The following SPICE1 variants were observed in gnomAD, a reference collection of about 807,000 sequenced individuals.
The protein encoded by SPICE1 is spindle and centriole-associated protein 1.
A neutral mutation model predicts 102.7 loss-of-function variants in SPICE1; 75 were observed. The ratio of observed to expected loss-of-function variants is 0.73; its 90% CI spans 0.61 to 0.88. The LOEUF (loss-of-function observed/expected upper bound fraction) is 0.88. SPICE1 is among the 40% of genes least tolerant of loss of function. SPICE1 has a pLI of 0.00. For synonymous variants in SPICE1, 308 were observed against 350.3 expected (o/e 0.88, Z 1.35); for missense variants, 979 against 1,020.1 (o/e 0.96, Z 0.55).
At chr3:113,498,906 C>T (rs960446514) in intron 4 of SPICE1, 2 of 152,360 alleles carry the variant, frequency 1.3e-5, no homozygotes, top group Non-Finnish European at 2.9e-5. Context: ...AAAGGTTAAG[C>T]CAAAGACAAG....
At chr3:113,470,180 G>C (rs976396919) in intron 7 of SPICE1, among the ~76,000 whole-genome samples, 7 of 152,272 alleles carry the variant, frequency 4.6e-5, no homozygotes, top group Middle Eastern at 3.4e-3. Flanking sequence ...TAGTATAAAA[G>C]CAAGAACAAA....
chr3:113,484,748 T>C (rs1936604497), intron 7 of SPICE1, among the ~76,000 whole-genome samples: 1 of 151,872 alleles, frequency 6.6e-6, no homozygotes, highest in Admixed American at 6.6e-5. Context: ...AGAGACTGTT[T>C]GTTATGATTT....
intron 7 of SPICE1, among the ~76,000 whole-genome samples, chr3:113,478,749 C>G (rs983552345): frequency 6.6e-5 from 10 of 152,020 alleles, no homozygotes; most frequent in Admixed American, 1.3e-4. Flanking sequence ...TGAGGTAGAT[C>G]TATGGATATA....
At chr3:113,448,207 A>G (rs1033551771) in intron 15 of SPICE1, 67 bp from the exon 16 acceptor site, 131 of 1,367,972 alleles carry the variant, frequency 9.6e-5, no homozygotes, top group Non-Finnish European at 1.2e-4. Flanking sequence ...CTCAATTTCT[A>G]TCTTACTGCA....
chr3:113,493,257 A>T lies in SPICE1; in HGVS notation c.441T>A (p.Asn147Lys). The T allele has an allele frequency of 6.2e-7, 1 of 1,613,526 alleles. No individual in the cohort carries two copies. The highest frequency in any genetic ancestry group is 8.5e-7 in the Non-Finnish European group (1 of 1,179,786). Residue 147 changes from asparagine to lysine, a missense_variant, in exon 6 of 18, where the codon AAT (asparagine) becomes AAA (lysine). By Grantham distance (94) the Asn-to-Lys change is moderately conservative. Coordinates refer to ENST00000295872, the MANE Select transcript of SPICE1 (RefSeq NM_144718.4). Reference sequence around the variant, plus strand: ...AGATAGATTGGGTGATAGGGTCTTGATTTACCACAATGGGACCCTGAGAGG... The same window carrying T: ...AGATAGATTGGGTGATAGGGTCTTGTTTTACCACAATGGGACCCTGAGAGG... ...PDSSQGPIVVNQDPITQSIFN... is the reference protein window; with the variant it reads ...PDSSQGPIVVKQDPITQSIFN...
intron 13 of SPICE1, 140 bp from the exon 14 acceptor site, chr3:113,454,090 C>A (rs777942054): frequency 2.0e-4 from 147 of 736,504 alleles, no homozygotes; most frequent in Non-Finnish European, 3.0e-4. Flanking sequence ...AAACTATTTT[C>A]AGCAGAGAAC....
chr3:113,510,797 C>A (rs1345835144), intron 1 of SPICE1, among the ~76,000 whole-genome samples: 1 of 152,100 alleles, frequency 6.6e-6, no homozygotes, highest in African/African-American at 2.4e-5. Flanking sequence ...AGCTTCTGCA[C>A]AGCAAAAGAA....
rs747592397 is a variant in SPICE1, at chr3:113,469,159, G to C, written c.691C>G (p.Gln231Glu). ...WTDIQQKIAT[Q>E]SQITPPGTPS... ...GTTCCTGGAGGAGTTATTTGTGACT[G>C]GGTTGCTATTTTCTGCTGAATGTCA... is the stretch of plus-strand genomic sequence containing the variant. The change falls in exon 8 of 18, where the codon CAG (glutamine) becomes GAG (glutamate). Residue 231 changes from glutamine to glutamate, a missense_variant. Transcript: ENST00000295872. The C allele has an allele frequency of 6.2e-7, 1 of 1,613,102 alleles. No individual in the cohort carries two copies. The highest frequency in any genetic ancestry group is 8.5e-7 in the Non-Finnish European group (1 of 1,179,546).
At chr3:113,513,853 C>T (rs1937268289) in intron 1 of SPICE1, among the ~76,000 whole-genome samples, 1 of 152,176 alleles carries the variant, frequency 6.6e-6, no homozygotes, top group African/African-American at 2.4e-5. Context: ...AAAAGCGAGG[C>T]ACCAGATATA....
intron 7 of SPICE1, among the ~76,000 whole-genome samples, chr3:113,472,637 C>A (rs931525806): frequency 2.6e-5 from 4 of 152,328 alleles, no homozygotes; most frequent in Middle Eastern, 6.8e-3. Context: ...CGAAAATCCA[C>A]TGTTCTGCAG....
intron 1 of SPICE1, among the ~76,000 whole-genome samples, chr3:113,509,816 C>T (rs72946772): frequency 0.021 from 3,136 of 152,196 alleles, 112 homozygotes; most frequent in African/African-American, 0.071. Context: ...GAGCAGTTTC[C>T]CTCTTGCTGT....
chr3:113,466,470 C>T (rs1004374940), intron 10 of SPICE1, among the ~76,000 whole-genome samples: 1 of 151,892 alleles, frequency 6.6e-6, no homozygotes, highest in African/African-American at 2.4e-5. Context: ...ATTAACTGGG[C>T]GTGGTGGTGC....
At chr3:113,495,090 C>T (rs1024277701) in intron 4 of SPICE1, among the ~76,000 whole-genome samples, 40 of 152,222 alleles carry the variant, frequency 2.6e-4, no homozygotes, top group Non-Finnish European at 5.0e-4. Flanking sequence ...GAGGTAAGAA[C>T]ACAAAAAGTA....
rs563410813 is a variant in SPICE1 at position 113,453,600 on chromosome 3, T to C, written c.2008A>G (p.Thr670Ala). 2.2e-5 allele frequency: 36 copies of C among 1,614,214 alleles called. No individual in the cohort carries two copies. The South Asian group carries it at 3.6e-4, about 16-fold the overall frequency. The part of the protein sequence containing the change: ...ESLIQRKDIM[T>A]RIADLTLQNS... ...TGCAATGTCAAATCAGCAATTCGTG[T>C]CATTATGTCCTTTCTTTGTATTAAT... Residue 670 changes from threonine to alanine, a missense_variant, in exon 14 of 18, where the codon ACA becomes GCA. Coordinates refer to ENST00000295872, the MANE Select transcript of SPICE1 (RefSeq NM_144718.4).
intron 7 of SPICE1, among the ~76,000 whole-genome samples, chr3:113,473,441 C>A (rs1936257632): frequency 6.6e-6 from 1 of 152,132 alleles, no homozygotes; most frequent in African/African-American, 2.4e-5. Flanking sequence ...GAGAACACCA[C>A]AAAGATACTC....
intron 15 of SPICE1, chr3:113,448,753 T>A (rs939424431): frequency 6.6e-6 from 1 of 152,206 alleles, no homozygotes; most frequent in African/African-American, 2.4e-5. Flanking sequence ...TTTGTGTGAC[T>A]TCCTGGCTTT....
At chr3:113,506,285 A>G (rs1048184647) in intron 2 of SPICE1, among the ~76,000 whole-genome samples, 2 of 152,172 alleles carry the variant, frequency 1.3e-5, no homozygotes, top group Non-Finnish European at 2.9e-5. Flanking sequence ...AATTCTTCAG[A>G]GGATATAGAG....
chr3:113,468,325 T>C lies in SPICE1; in HGVS notation c.969A>G (p.Leu323=), dbSNP rs764077477. Residue 323 remains leucine, a synonymous_variant, in exon 10 of 18, where the codon TTA becomes TTG. Transcript: ENST00000295872. ...CCAGGTTGGAATTAGTCCTATTTGG[T>C]AAGTCTGCAGAGGTTGTGCTACCTG... ...ISSGSTTSAD[L]PNRTNSNLDV... 6.2e-7 allele frequency: 1 copy of C among 1,614,186 alleles called. No individual in the cohort carries two copies. Among genetic ancestry groups the C allele is most frequent in the South Asian group, 1.1e-5 (1 of 91,090 alleles).
At chr3:113,490,197 C>T (rs1011966668) in intron 6 of SPICE1, among the ~76,000 whole-genome samples, 1 of 152,138 alleles carries the variant, frequency 6.6e-6, no homozygotes, top group Non-Finnish European at 1.5e-5. Flanking sequence ...CTATATCAAC[C>T]TTTTCTCCCC....
Sources: gnomAD v4.1 joint callset for allele counts (sites outside exome capture counted in the v4.1 genomes callset) on GRCh38, gnomAD v4.1.1 for gene constraint, MANE v1.5 for transcripts, NCBI Gene and HGNC (gene_info 2026-07-23, HGNC 2026-07-21) for gene names.